Variants in ATP2C2 observed in about 807,000 individuals in gnomAD.
ATP2C2 encodes the protein ATPase secretory pathway Ca2+ transporting 2, also known as calcium-transporting ATPase type 2C member 2.
In ATP2C2, 171 loss-of-function variants were observed where a neutral mutation model predicts 110.8. The ratio of observed to expected loss-of-function variants is 1.54; its 90% CI spans 1.36 to 1.75. The LOEUF (loss-of-function observed/expected upper bound fraction) is 1.75, where lower values mean the gene tolerates loss of function less well. ATP2C2 is among the 40% of genes most tolerant of loss of function. The pLI is 0.00. For synonymous variants in ATP2C2, 804 were observed against 508.4 expected, an observed-to-expected ratio of 1.58 and a Z score of -7.82; for missense variants, 1,963 against 1,235.0, an observed-to-expected ratio of 1.59 and a Z score of -8.84.
At chr16:84,458,841 G>T (rs985996208) in intron 21 of ATP2C2, among the ~76,000 whole-genome samples, 1 of 152,148 alleles carries the variant, frequency 6.6e-6, no homozygotes, top group East Asian at 1.9e-4. Context: ...GGGCTCGGCC[G>T]GAGAGTAATT....
At chr16:84,397,737 C>G (rs887188357) in intron 1 of ATP2C2, among the ~76,000 whole-genome samples, 2 of 149,386 alleles carry the variant, frequency 1.3e-5, no homozygotes, top group Non-Finnish European at 3.0e-5. Context: ...AGATATTCAT[C>G]AACAGGAGAA....
intron 1 of ATP2C2, among the ~76,000 whole-genome samples, chr16:84,392,121 G>T (rs1486983038): frequency 6.6e-6 from 1 of 151,966 alleles, no homozygotes; most frequent in Admixed American, 6.6e-5. Context: ...AATGGAATGA[G>T]CCCACATGAC....
At chr16:84,427,077 C>G (rs1473911907) in intron 11 of ATP2C2, among the ~76,000 whole-genome samples, 1 of 152,204 alleles carries the variant, frequency 6.6e-6, no homozygotes, top group Non-Finnish European at 1.5e-5. Flanking sequence ...CACGGAGGAA[C>G]CAACCCATGT....
At position 84,460,783 on chromosome 16, in the gene ATP2C2, C is replaced by A; in HGVS notation, c.2463C>A (p.Leu821=). The change falls in exon 24 of 27, where the codon CTC becomes CTA. Residue 821 remains leucine (L), a synonymous_variant. Transcript: ENST00000262429. ...MSAAIIISGT[L]FIFWKEMPED... ...CGGCCATCATCATCAGCGGGACCCT[C>A]TTTATCTTCTGGAAGGAGGTGAGCG... 6.2e-7 allele frequency: 1 copy of A among 1,613,326 alleles called. No homozygotes were observed. The highest frequency in any genetic ancestry group is 8.5e-7 in the Non-Finnish European group (1 of 1,179,346).
intron 11 of ATP2C2, among the ~76,000 whole-genome samples, chr16:84,437,862 C>T (rs1334667229): frequency 1.3e-5 from 2 of 152,220 alleles, no homozygotes; most frequent in Admixed American, 1.3e-4. Context: ...TGCCCTTTAG[C>T]TATCACTCTA....
chr16:84,415,399 C>T, intron 6 of ATP2C2, 84 bp from the exon 7 acceptor site: 6 of 1,158,386 alleles, frequency 5.2e-6, no homozygotes, highest in South Asian at 1.2e-5. Context: ...AAGTGTGTTT[C>T]TATTCTCCTT....
At chr16:84,425,617 C>T in intron 10 of ATP2C2, 118 bp from the exon 11 acceptor site, 1 of 1,115,802 alleles carries the variant, frequency 9.0e-7, no homozygotes, top group Non-Finnish European at 1.4e-6. Flanking sequence ...TTGAGGTTAT[C>T]AGGCGTTCCT....
chr16:84,407,783 G>T (rs542595364), intron 3 of ATP2C2, among the ~76,000 whole-genome samples: 11 of 152,248 alleles, frequency 7.2e-5, no homozygotes, highest in Non-Finnish European at 1.3e-4. Context: ...TGTTGATATT[G>T]TAACTCTCTT....
chr16:84,432,425 T>A (rs918203905), intron 11 of ATP2C2, among the ~76,000 whole-genome samples: 1 of 151,936 alleles, frequency 6.6e-6, no homozygotes, highest in Non-Finnish European at 1.5e-5. Flanking sequence ...CCTAATGCTC[T>A]CCCCCGAACC....
chr16:84,446,505 C>A, intron 16 of ATP2C2, 75 bp downstream of exon 16: 1 of 1,050,276 alleles, frequency 9.5e-7, no homozygotes, highest in Non-Finnish European at 1.4e-6. Context: ...AAAATGCAGA[C>A]TTCAAGGATA....
At chr16:84,373,263 G>C (rs1429076883) in intron 1 of ATP2C2, among the ~76,000 whole-genome samples, 1 of 152,210 alleles carries the variant, frequency 6.6e-6, no homozygotes, top group Non-Finnish European at 1.5e-5. Flanking sequence ...ACTTTGGAAA[G>C]CCGAGGCAGG....
At chr16:84,454,755 C>A in intron 20 of ATP2C2, 63 bp from the exon 21 acceptor site, 1 of 1,485,690 alleles carries the variant, frequency 6.7e-7, no homozygotes, top group Non-Finnish European at 9.0e-7. Context: ...ACAGGGTGTG[C>A]ATGGCCGGGC....
chr16:84,394,033 G>T (rs1341842109), intron 1 of ATP2C2, among the ~76,000 whole-genome samples: 4 of 150,176 alleles, frequency 2.7e-5, no homozygotes, highest in African/African-American at 9.9e-5. Context: ...AAATAAAAAG[G>T]CCTGGTGTGA....
rs750775274 is a variant in ATP2C2, at chr16:84,408,480, G to A, written c.403G>A (p.Val135Ile). 35 of 1,612,968 alleles carry A rather than the reference G, an allele frequency of 2.2e-5. No individual in the cohort carries two copies. The highest frequency in any genetic ancestry group is 2.0e-4 in the East Asian group (9 of 44,858). ...SVLTKEYEDA[V>I]SIATAVLVVV... ...CCTCACCAAGGAGTATGAGGACGCC[G>A]TCAGCATCGCCACGGTGAGTTCCCT... Residue 135 changes from valine (V) to isoleucine (I), a missense_variant, in exon 4 of 27, where the codon GTC becomes ATC. Transcript: ENST00000262429.
chr16:84,450,326 A>G (rs1910142857), intron 17 of ATP2C2, among the ~76,000 whole-genome samples: 1 of 152,172 alleles, frequency 6.6e-6, no homozygotes, highest in Non-Finnish European at 1.5e-5. Flanking sequence ...GCTGCCTGGC[A>G]GGCCTGGGAC....
chr16:84,463,542 G>GGGAA, intron 26 of ATP2C2, 72 bp from the exon 27 acceptor site: 4 of 1,298,924 alleles, frequency 3.1e-6, no homozygotes. Flanking sequence ...AGGACTGGCA[G>GGGAA]GGAAGGCGCT....
intron 1 of ATP2C2, among the ~76,000 whole-genome samples, chr16:84,392,024 T>A (rs1485912592): frequency 6.6e-6 from 1 of 152,062 alleles, no homozygotes; most frequent in Admixed American, 6.6e-5. Flanking sequence ...TCAAATCATA[T>A]AACACCTCTT....
chr16:84,462,375 G>T (rs1019598492), intron 26 of ATP2C2: 2 of 449,762 alleles, frequency 4.4e-6, no homozygotes, highest in African/African-American at 1.9e-5. Flanking sequence ...TGGGGCCCAA[G>T]GGGCACCGGC....
chr16:84,397,031 A>C (rs535917951), intron 1 of ATP2C2, among the ~76,000 whole-genome samples: 1 of 151,934 alleles, frequency 6.6e-6, no homozygotes, highest in African/African-American at 2.4e-5. Context: ...AAGTTACTCA[A>C]TACCTCTCCT....
Sources: allele counts gnomAD v4.1 joint callset (sites outside exome capture counted in the v4.1 genomes callset), GRCh38; gene constraint gnomAD v4.1.1; transcripts MANE v1.5; gene names NCBI Gene and HGNC (gene_info 2026-07-23, HGNC 2026-07-21).